SORBS2: variants seen among roughly 807,000 people sequenced by gnomAD.
SORBS2 encodes sorbin and SH3 domain-containing protein 2.
In SORBS2, 46 loss-of-function variants were observed where a neutral mutation model predicts 97.7. The ratio of observed to expected loss-of-function variants is 0.47; its 90% confidence interval spans 0.37 to 0.60. SORBS2 has a LOEUF of 0.60. SORBS2 is among the 20% of genes least tolerant of loss of function. SORBS2 has a pLI of 0.00. For missense variants in SORBS2, 1,316 were observed against 1,282.3 expected (o/e 1.03, Z -0.40); for synonymous variants, 476 against 473.4 (o/e 1.01, Z -0.07).
chr4:185,752,514 G>T (rs1051715219), intron 2 of SORBS2, among the ~76,000 whole-genome samples: 1 of 152,172 alleles, frequency 6.6e-6, no homozygotes, highest in Non-Finnish European at 1.5e-5. Flanking sequence ...CTGACCTTGT[G>T]ATCTGCCCGC....
chr4:185,587,718 G>A (rs1211466993), intron 14 of SORBS2, 30 bp from the exon 27 acceptor site: 1 of 1,557,008 alleles, frequency 6.4e-7, no homozygotes, highest in Non-Finnish European at 8.9e-7. Context: ...ATGAAAGGGG[G>A]GTGACAACGA....
At chr4:185,838,164 G>A (rs989568696) in intron 1 of SORBS2, among the ~76,000 whole-genome samples, 3 of 152,242 alleles carry the variant, frequency 2.0e-5, no homozygotes, top group Middle Eastern at 3.2e-3. Context: ...CAGGGTGTGC[G>A]GGACCCATAC....
chr4:185,848,519 T>TA (rs1377287361), intron 1 of SORBS2, among the ~76,000 whole-genome samples: 5 of 151,766 alleles, frequency 3.3e-5, no homozygotes, highest in African/African-American at 1.2e-4. Context: ...GGTAAACTTT[T>TA]AAAAAAGTCT....
At chr4:185,731,858 CTCTCTCTCTATATATATATATATATATA>C (rs1387529186) in intron 2 of SORBS2, among the ~76,000 whole-genome samples, 146 of 36,088 alleles carry the variant, frequency 4.0e-3, no homozygotes, top group African/African-American at 0.014. Flanking sequence ...CTCTCTCTCT[CTCTCTCTCTATATATATATATATATATA>C]TATATATATA....
chr4:185,614,846 C>T (rs2096604180), exon 11 of SORBS2: 2 of 1,613,996 alleles, frequency 1.2e-6, no homozygotes, highest in African/African-American at 1.3e-5. Context: ...TCAGTGACAG[C>T]TCCACATTTG....
At chr4:185,592,247 A>T (rs2095963028) in intron 13 of SORBS2, among the ~76,000 whole-genome samples, 1 of 152,200 alleles carries the variant, frequency 6.6e-6, no homozygotes, top group Non-Finnish European at 1.5e-5. Context: ...TTTGGCTCAA[A>T]ACTTATTTTT....
intron 2 of SORBS2, among the ~76,000 whole-genome samples, chr4:185,711,256 G>C (rs987587011): frequency 2.6e-5 from 4 of 152,086 alleles, no homozygotes; most frequent in African/African-American, 4.8e-5. Context: ...CTCTCAAAGT[G>C]CTGGGATGAC....
chr4:185,816,294 C>T (rs1191653876), intron 1 of SORBS2, among the ~76,000 whole-genome samples: 2 of 152,180 alleles, frequency 1.3e-5, no homozygotes, highest in African/African-American at 2.4e-5. Flanking sequence ...TGGGACCCAC[C>T]AAAGGATCTG....
chr4:185,674,168 AATGT>A (rs1182540213), intron 4 of SORBS2, among the ~76,000 whole-genome samples: 1 of 152,202 alleles, frequency 6.6e-6, no homozygotes, highest in Non-Finnish European at 1.5e-5. Flanking sequence ...TTGACCACTT[AATGT>A]GGGTGTCTAA....
At chr4:185,603,738 T>C (rs779286008) in intron 12 of SORBS2, among the ~76,000 whole-genome samples, 1 of 152,240 alleles carries the variant, frequency 6.6e-6, no homozygotes, top group Non-Finnish European at 1.5e-5. Flanking sequence ...GTGGTTGTCA[T>C]TAAATCTCTT....
chr4:185,705,082 A>G (rs910557116), intron 2 of SORBS2, among the ~76,000 whole-genome samples: 1 of 152,252 alleles, frequency 6.6e-6, no homozygotes, highest in African/African-American at 2.4e-5. Context: ...GCCCATGCAC[A>G]GGCACACGTA....
chr4:185,854,221 C>T (rs1047950861), intron 1 of SORBS2, among the ~76,000 whole-genome samples: 2 of 152,064 alleles, frequency 1.3e-5, no homozygotes, highest in East Asian at 3.9e-4. Flanking sequence ...GGGACAAATT[C>T]ACAGGAAATA....
chr4:185,823,632 T>C (rs2099198110), intron 1 of SORBS2, among the ~76,000 whole-genome samples: 1 of 152,086 alleles, frequency 6.6e-6, no homozygotes, highest in Non-Finnish European at 1.5e-5. Context: ...TGGAGGAAGC[T>C]TTGATGAATA....
At chr4:185,794,629 C>T (rs1243372940) in intron 1 of SORBS2, among the ~76,000 whole-genome samples, 6 of 152,012 alleles carry the variant, frequency 3.9e-5, no homozygotes, top group Non-Finnish European at 8.8e-5. Flanking sequence ...TCTAAAGCAT[C>T]CATGTTGGAT....
intron 7 of SORBS2, among the ~76,000 whole-genome samples, chr4:185,622,395 TA>T (rs2096732795): frequency 6.6e-6 from 1 of 152,252 alleles, no homozygotes; most frequent in Admixed American, 6.5e-5. Flanking sequence ...AGAAAGCTAT[TA>T]AACAAACCCT....
At chr4:185,683,271 CT>C (rs1308764180) in intron 2 of SORBS2, among the ~76,000 whole-genome samples, 1 of 151,320 alleles carries the variant, frequency 6.6e-6, no homozygotes, top group Non-Finnish European at 1.5e-5. Flanking sequence ...AGCATTAAAT[CT>C]TTTCTATGAA....
chr4:185,928,912 G>A (rs1319983319), intron 1 of SORBS2, among the ~76,000 whole-genome samples: 1 of 152,156 alleles, frequency 6.6e-6, no homozygotes, highest in Non-Finnish European at 1.5e-5. Context: ...AAGATGCTAG[G>A]AAGTCATGGG....
chr4:185,618,480 A>G, intron 9 of SORBS2, 105 bp downstream of exon 21: 1 of 544,600 alleles, frequency 1.8e-6, no homozygotes, highest in Non-Finnish European at 3.2e-6. Flanking sequence ...TGCATTGGGA[A>G]TTAGACCTCA....
At chr4:185,809,049 T>C (rs894834342) in intron 1 of SORBS2, among the ~76,000 whole-genome samples, 6 of 152,272 alleles carry the variant, frequency 3.9e-5, no homozygotes, top group Admixed American at 3.9e-4. Flanking sequence ...AAGCCATATT[T>C]TCAAATCAGA....
Sources: gnomAD v4.1 joint callset for allele counts (sites outside exome capture counted in the v4.1 genomes callset) on GRCh38, gnomAD v4.1.1 for gene constraint, MANE v1.5 for transcripts, NCBI Gene and HGNC (gene_info 2026-07-23, HGNC 2026-07-21) for gene names.